ARCN1: variants seen among roughly 807,000 people sequenced by gnomAD.
The protein encoded by ARCN1 is archain 1 coat protein complex I subunit delta.
A neutral mutation model predicts 60.4 loss-of-function variants in ARCN1; 5 were observed. That is an observed-to-expected ratio of 0.08 (90% CI 0.04 to 0.17). ARCN1 has a LOEUF of 0.17. ARCN1 is among the 10% of genes least tolerant of loss of function. ARCN1 has a pLI of 1.00. For missense variants in ARCN1, 464 were observed against 626.5 expected, an observed-to-expected ratio of 0.74 and a Z score of 2.77; for synonymous variants, 224 against 220.0, an observed-to-expected ratio of 1.02 and a Z score of -0.16.
intron 5 of ARCN1, among the ~76,000 whole-genome samples, chr11:118,587,256 C>A (rs1049311725): frequency 1.3e-5 from 2 of 152,088 alleles, no homozygotes; most frequent in Admixed American, 1.3e-4. Flanking sequence ...AGAAGTCTTC[C>A]TCTCACTCAG....
chr11:118,576,491 A>G (rs1938516245), intron 1 of ARCN1, among the ~76,000 whole-genome samples: 1 of 151,826 alleles, frequency 6.6e-6, no homozygotes, highest in African/African-American at 2.4e-5. Context: ...TTCCTCAGAG[A>G]AAATCAGATC....
chr11:118,577,712 A>T (rs1367522732), intron 1 of ARCN1, among the ~76,000 whole-genome samples: 3 of 152,226 alleles, frequency 2.0e-5, no homozygotes, highest in Non-Finnish European at 4.4e-5. Context: ...AGCTTCTTGT[A>T]GGCAGAATGC....
intron 2 of ARCN1, among the ~76,000 whole-genome samples, chr11:118,582,154 A>C (rs545083467): frequency 6.6e-6 from 1 of 151,432 alleles, no homozygotes; most frequent in Non-Finnish European, 1.5e-5. Context: ...TTTTTTTTTT[A>C]AAGACGGAGT....
intron 8 of ARCN1, among the ~76,000 whole-genome samples, chr11:118,594,967 A>G (rs542509271): frequency 1.3e-5 from 2 of 152,132 alleles, no homozygotes; most frequent in Non-Finnish European, 1.5e-5. Flanking sequence ...CTCGTGCCTC[A>G]GTCTCCCAAG....
chr11:118,585,027 C>T (rs912721893), intron 5 of ARCN1, among the ~76,000 whole-genome samples: 8 of 151,794 alleles, frequency 5.3e-5, no homozygotes, highest in Admixed American at 1.3e-4. Flanking sequence ...GGGGTTTCGC[C>T]GTGTTAGCCA....
At chr11:118,574,758 AT>A (rs150318642) in intron 1 of ARCN1, among the ~76,000 whole-genome samples, 25,143 of 147,810 alleles carry the variant, frequency 0.17, 2,652 homozygotes, top group East Asian at 0.53. Context: ...GCATCTTTTG[AT>A]TTTTTTTTTT....
At chr11:118,584,963 C>A (rs1938744844) in intron 5 of ARCN1, among the ~76,000 whole-genome samples, 1 of 151,172 alleles carries the variant, frequency 6.6e-6, no homozygotes, top group South Asian at 2.1e-4. Context: ...GTAGCTGGGA[C>A]CACAGGCGCC....
chr11:118,576,779 A>C (rs533883778), intron 1 of ARCN1, among the ~76,000 whole-genome samples: 1 of 152,172 alleles, frequency 6.6e-6, no homozygotes, highest in East Asian at 1.9e-4. Context: ...TAGTATGGGG[A>C]ACTATGGTCC....
At chr11:118,590,075 C>T (rs1430212043) in intron 5 of ARCN1, among the ~76,000 whole-genome samples, 1 of 152,216 alleles carries the variant, frequency 6.6e-6, no homozygotes, top group Non-Finnish European at 1.5e-5. Flanking sequence ...CGGCTCACCA[C>T]AGCCTCTGCC....
chr11:118,584,133 G>A (rs568827977), intron 4 of ARCN1, 119 bp downstream of exon 4: 164 of 1,013,314 alleles, frequency 1.6e-4, no homozygotes, highest in Non-Finnish European at 5.7e-6. Flanking sequence ...AGTAAGATAT[G>A]ATGTTACATT....
At position 118,583,197 on chromosome 11, in the gene ARCN1, G is replaced by A. The variant is rs1555074920; in HGVS notation, c.286G>A (p.Ala96Thr). The change falls in exon 3 of 10, where the codon GCC (alanine) becomes ACC (threonine). Residue 96 changes from alanine to threonine, a missense_variant. By Grantham distance (58) the Ala-to-Thr change is moderately conservative (BLOSUM62 0). This residue lies in a region of ARCN1 where 105 missense variants were observed against 186.3 expected (regional missense o/e 0.56). Coordinates refer to ENST00000264028, the MANE Select transcript of ARCN1 (RefSeq NM_001655.5). ...CGCTTAGATCCCTGAATATTGCCGAGCCTTAGAAGAGAATGAAATATCTGA... is the reference window on the plus strand; with the variant it reads ...CGCTTAGATCCCTGAATATTGCCGAACCTTAGAAGAGAATGAAATATCTGA... Reference protein sequence around the residue: ...FSRVIPEYCRALEENEISEHC... With the variant: ...FSRVIPEYCRTLEENEISEHC... The A allele has an allele frequency of 6.2e-6, 10 of 1,614,086 alleles. 1 individual carries two copies. The South Asian group carries it at 6.6e-5, about 11-fold the overall frequency.
At chr11:118,574,778 C>T (rs782748839) in intron 1 of ARCN1, among the ~76,000 whole-genome samples, 2 of 151,288 alleles carry the variant, frequency 1.3e-5, no homozygotes. Flanking sequence ...TTTAAAGAGA[C>T]AGGGTCTCAC....
At chr11:118,586,315 C>T (rs1238682028) in intron 5 of ARCN1, among the ~76,000 whole-genome samples, 2 of 152,070 alleles carry the variant, frequency 1.3e-5, no homozygotes, top group Admixed American at 6.6e-5. Flanking sequence ...AGGTGGGTCT[C>T]GAACTCCTGA....
intron 9 of ARCN1, among the ~76,000 whole-genome samples, chr11:118,598,248 A>T (rs1939071958): frequency 6.6e-6 from 1 of 152,094 alleles, no homozygotes; most frequent in Non-Finnish European, 1.5e-5. Flanking sequence ...AAAACACCCC[A>T]ACACATGGTT....
chr11:118,573,250 T>A (rs1159919019), intron 1 of ARCN1, among the ~76,000 whole-genome samples: 2 of 152,188 alleles, frequency 1.3e-5, no homozygotes, highest in Non-Finnish European at 2.9e-5. Flanking sequence ...ACACAGGGTT[T>A]GCCTTCAAGG....
chr11:118,596,606 T>C (rs1382841368), intron 8 of ARCN1, among the ~76,000 whole-genome samples: 1 of 152,260 alleles, frequency 6.6e-6, no homozygotes, highest in Non-Finnish European at 1.5e-5. Context: ...TTTGTCTCCC[T>C]TATTTACCCT....
At chr11:118,583,761 CA>C in intron 3 of ARCN1, 47 bp from the exon 4 acceptor site, 1 of 1,589,854 alleles carries the variant, frequency 6.3e-7, no homozygotes. Context: ...CCTGTCTCAA[CA>C]AAAACCCAAA....
chr11:118,582,150 T>A (rs1437122501), intron 2 of ARCN1, among the ~76,000 whole-genome samples: 7 of 152,208 alleles, frequency 4.6e-5, no homozygotes, highest in South Asian at 4.1e-4. Flanking sequence ...ATTCTTTTTT[T>A]TTTAAAGACG....
intron 1 of ARCN1, among the ~76,000 whole-genome samples, chr11:118,578,901 TTTTTTA>T (rs1938587401): frequency 1.0e-5 from 1 of 100,350 alleles, no homozygotes; most frequent in Non-Finnish European, 2.1e-5. Flanking sequence ...TTTTTTTTTT[TTTTTTA>T]ATAAAAAAAG....
Sources: gnomAD v4.1 joint callset for allele counts (sites outside exome capture counted in the v4.1 genomes callset) on GRCh38, gnomAD v4.1.1 for gene constraint, gnomAD v4.1.1 regional missense constraint, MANE v1.5 for transcripts, NCBI Gene and HGNC (gene_info 2026-07-23, HGNC 2026-07-21) for gene names.